The following WASHC5 variants were observed in gnomAD, a reference collection of about 807,000 sequenced individuals.
The protein encoded by WASHC5 is WASH complex subunit strumpellin.
WASHC5 carries 101 observed loss-of-function variants against 150.4 expected under a neutral mutation model. The ratio of observed to expected loss-of-function variants is 0.67; its 90% CI spans 0.57 to 0.79. The LOEUF is 0.79. Among genes scored for constraint, WASHC5 ranks in the 30% least tolerant of loss-of-function variants. WASHC5 has a pLI of 0.00. For synonymous variants in WASHC5, 467 were observed against 491.2 expected (o/e 0.95, Z 0.65); for missense variants, 1,195 against 1,396.3 (o/e 0.86, Z 2.30).
chr8:125,089,481 G>C (rs572143679), intron 1 of WASHC5, among the ~76,000 whole-genome samples: 3 of 152,206 alleles, frequency 2.0e-5, no homozygotes, highest in Admixed American at 6.5e-5. Context: ...ATTCTGGGCC[G>C]CATGTGGCCT....
intron 1 of WASHC5, among the ~76,000 whole-genome samples, chr8:125,090,965 C>G (rs1388791319): frequency 6.6e-6 from 1 of 152,186 alleles, no homozygotes; most frequent in Non-Finnish European, 1.5e-5. Flanking sequence ...CCTTGTAGTG[C>G]ACAAAGACAG....
At chr8:125,068,059 G>A (rs1006066237) in intron 9 of WASHC5, among the ~76,000 whole-genome samples, 2 of 152,154 alleles carry the variant, frequency 1.3e-5, no homozygotes, top group Non-Finnish European at 2.9e-5. Flanking sequence ...CTACTTCATA[G>A]CTGGGTGGCT....
intron 23 of WASHC5, among the ~76,000 whole-genome samples, chr8:125,042,335 C>T (rs995953534): frequency 6.6e-6 from 1 of 152,106 alleles, no homozygotes; most frequent in African/African-American, 2.4e-5. Flanking sequence ...TGTCCCACAA[C>T]CCACATTTCA....
At chr8:125,059,192 C>T in intron 14 of WASHC5, 30 bp downstream of exon 14, 1 of 1,520,602 alleles carries the variant, frequency 6.6e-7, no homozygotes, top group East Asian at 2.2e-5. Flanking sequence ...TCTTTCCTAG[C>T]AACAGAGAAT....
intron 1 of WASHC5, among the ~76,000 whole-genome samples, chr8:125,091,029 T>C (rs557662884): frequency 2.0e-5 from 3 of 152,244 alleles, no homozygotes; most frequent in African/African-American, 7.2e-5. Flanking sequence ...TCCATGCGCT[T>C]GCAATCAGGA....
chr8:125,075,786 C>A (rs1377729822), intron 7 of WASHC5, among the ~76,000 whole-genome samples: 2 of 152,196 alleles, frequency 1.3e-5, no homozygotes, highest in Non-Finnish European at 2.9e-5. Flanking sequence ...CAACTCCCTG[C>A]ATTTTGTTAA....
intron 10 of WASHC5, among the ~76,000 whole-genome samples, chr8:125,063,939 C>A (rs1170748847): frequency 1.3e-5 from 2 of 152,102 alleles, no homozygotes; most frequent in African/African-American, 4.8e-5. Context: ...CAAAGATTCT[C>A]GTTCAGGCGG....
intron 6 of WASHC5, among the ~76,000 whole-genome samples, chr8:125,077,296 C>T (rs1167462047): frequency 6.6e-6 from 1 of 152,246 alleles, no homozygotes; most frequent in Non-Finnish European, 1.5e-5. Context: ...CTCTTTCTCC[C>T]CTTGATGTGT....
Position 125,039,917 on chromosome 8 carries a change from A to G in WASHC5, c.2851-19T>C. ...GCCCAACCTGTGCACAAGCAAGAGAAAGAACAGGTAGTGCATTCAAGCATT... is the reference window on the plus strand; with the variant it reads ...GCCCAACCTGTGCACAAGCAAGAGAGAGAACAGGTAGTGCATTCAAGCATT... On this transcript the variant is annotated intron_variant, in intron 23 of 28. Transcript: ENST00000318410. 1 of 1,542,008 alleles carries G rather than the reference A, an allele frequency of 6.5e-7. No individual in the cohort carries two copies. Among genetic ancestry groups the G allele is most frequent in the Non-Finnish European group, 9.0e-7 (1 of 1,116,236 alleles).
chr8:125,024,440 TCA>T lies in WASHC5; in HGVS notation c.*175_*176del, dbSNP rs1815314550. On this transcript the variant is annotated 3_prime_UTR_variant, in exon 29 of 29. Coordinates refer to ENST00000318410, the MANE Select transcript of WASHC5 (RefSeq NM_014846.4). ...ATGTAATACCATGATTTAAACAATA[TCA>T]GTTATATTAACTAATGCCATGAGAT... The T allele has an allele frequency of 3.1e-6, 2 of 649,190 alleles. No homozygotes were observed. Among genetic ancestry groups the T allele is most frequent in the Non-Finnish European group, 5.6e-6 (2 of 356,254 alleles). 40.2% of individuals were successfully genotyped at this position (649,190 alleles called of 1,614,324 possible). A position where few individuals can be genotyped will look rare whatever the true frequency, so the allele number is the denominator to read the frequency against.
At chr8:125,075,147 T>G in intron 7 of WASHC5, 36 bp from the exon 8 acceptor site, 1 of 1,284,818 alleles carries the variant, frequency 7.8e-7, no homozygotes, top group East Asian at 2.3e-5. Flanking sequence ...GTTAAATTCC[T>G]ACTCACTTCA....
At chr8:125,075,858 A>G (rs1377394685) in intron 7 of WASHC5, among the ~76,000 whole-genome samples, 1 of 152,222 alleles carries the variant, frequency 6.6e-6, no homozygotes, top group Non-Finnish European at 1.5e-5. Context: ...TATTCCTATA[A>G]GAATATTTTT....
chr8:125,088,764 C>T (rs772178996), intron 1 of WASHC5, among the ~76,000 whole-genome samples: 2 of 152,244 alleles, frequency 1.3e-5, no homozygotes, highest in Middle Eastern at 6.8e-3. Flanking sequence ...CCCTACCCTC[C>T]GGACCATAGA....
At chr8:125,028,062 G>T (rs1815421185) in intron 28 of WASHC5, among the ~76,000 whole-genome samples, 1 of 152,178 alleles carries the variant, frequency 6.6e-6, no homozygotes, top group African/African-American at 2.4e-5. Flanking sequence ...AAAATCAAAT[G>T]ATTTTCAGTA....
At chr8:125,052,517 T>C (rs1368651222) in intron 17 of WASHC5, among the ~76,000 whole-genome samples, 1 of 152,058 alleles carries the variant, frequency 6.6e-6, no homozygotes, top group Admixed American at 6.6e-5. Context: ...AATGGGATCA[T>C]ATACATGTAT....
At chr8:125,047,111 C>A (rs1010089048) in intron 20 of WASHC5, 96 bp downstream of exon 20, 16 of 1,438,748 alleles carry the variant, frequency 1.1e-5, no homozygotes, top group Non-Finnish European at 1.5e-5. Flanking sequence ...AAGTGCAGGA[C>A]CCCCGTGACT....
chr8:125,075,213 T>G, intron 7 of WASHC5, 102 bp from the exon 8 acceptor site: 1 of 783,944 alleles, frequency 1.3e-6, no homozygotes, highest in Non-Finnish European at 2.3e-6. Context: ...CATGTTTAAA[T>G]TCCATTCCAA....
At chr8:125,083,542 C>T (rs886433692) in intron 2 of WASHC5, among the ~76,000 whole-genome samples, 171 bp downstream of exon 2, 9 of 152,110 alleles carry the variant, frequency 5.9e-5, no homozygotes, top group African/African-American at 2.2e-4. Flanking sequence ...AGGGCTTTGA[C>T]ATAATACTTT....
chr8:125,037,689 T>TAGGGGGAGTGTGGG (rs1357162048), intron 25 of WASHC5, among the ~76,000 whole-genome samples: 4 of 150,894 alleles, frequency 2.7e-5, no homozygotes, highest in Admixed American at 6.6e-5. Flanking sequence ...GAGGTGAATA[T>TAGGGGGAGTGTGGG]AGGGGGAGTG....
Sources: gnomAD v4.1 joint callset for allele counts (sites outside exome capture counted in the v4.1 genomes callset) on GRCh38, gnomAD v4.1.1 for gene constraint, MANE v1.5 for transcripts, NCBI Gene and HGNC (gene_info 2026-07-23, HGNC 2026-07-21) for gene names.